The following NLGN1 variants were observed in gnomAD, a reference collection of about 807,000 sequenced individuals.
NLGN1 encodes the protein neuroligin-1.
NLGN1 carries 12 observed loss-of-function variants against 65.5 expected under a neutral mutation model. The observed-to-expected ratio is 0.18, with a 90% confidence interval of 0.12 to 0.30. NLGN1 has a LOEUF of 0.30. Among genes scored for constraint, NLGN1 ranks in the 10% least tolerant of loss-of-function variants. The probability of loss-of-function intolerance (pLI) is 1.00; values close to 1 mark genes in which losing one functional copy is unlikely to be tolerated. For missense variants in NLGN1, 750 were observed against 1,007.1 expected, an observed-to-expected ratio of 0.74 and a Z score of 3.46; for synonymous variants, 350 against 359.5, an observed-to-expected ratio of 0.97 and a Z score of 0.30.
In NLGN1 at chr3:174,209,623, CTTTTT is replaced by C. The variant is rs796169913; in HGVS notation, c.647-65670_647-65666del. On this transcript the variant is annotated intron_variant, in intron 4 of 6. Transcript: ENST00000457714. ...CCCTGGTGTCTATCAACCTTTCTTT[CTTTTT>C]TTTTTTTTTTTTTTTTTTTTTGAGA... Among the ~76,000 whole-genome samples the C allele has an allele frequency of 2.7e-4, 22 of 82,092 alleles. No individual in the cohort carries two copies. The East Asian group carries it at 2.8e-3, about 11-fold the overall frequency. The allele number at this position is 82,092 out of a possible 152,430, so 53.9% of individuals were successfully genotyped here. A position where few individuals can be genotyped will look rare whatever the true frequency, so the allele number is the denominator to read the frequency against.
At chr3:173,538,478 G>A (rs1179187113) in intron 2 of NLGN1, among the ~76,000 whole-genome samples, 4 of 152,196 alleles carry the variant, frequency 2.6e-5, no homozygotes, top group Admixed American at 6.6e-5. Flanking sequence ...AGCTTTGGTA[G>A]AAACGTTATG....
intron 2 of NLGN1, among the ~76,000 whole-genome samples, chr3:173,509,259 A>G (rs910341264): frequency 6.6e-6 from 1 of 152,190 alleles, no homozygotes; most frequent in African/African-American, 2.4e-5. Context: ...TATGTATAAC[A>G]CATCTTGATG....
Position 173,514,011 on chromosome 3 carries a change from G to A in NLGN1, c.-321+78933G>A, listed in dbSNP as rs113431129. Among the ~76,000 whole-genome samples the A allele has an allele frequency of 2.3e-3, 349 of 152,244 alleles. 2 individuals are homozygous for A. Among genetic ancestry groups the A allele is most frequent in the African/African-American group, 7.6e-3 (314 of 41,546 alleles). The stretch of plus-strand genomic sequence containing the variant: ...GTTATACATTGTGTAACAATGTAAC[G>A]TGTTACATTAACATTGCTGTGTATA... On this transcript the variant is annotated intron_variant, in intron 2 of 6. Transcript: ENST00000457714.
Position 174,279,962 on chromosome 3 carries a change from T to C in NLGN1, c.1649+312T>C, listed in dbSNP as rs986424085. On this transcript the variant is annotated intron_variant, in intron 6 of 6. Coordinates refer to ENST00000457714, the Ensembl canonical transcript of NLGN1. This position sits in a 1 kb window ranked among gnomAD's most constrained non-coding sequence, Gnocchi z 4.7. Reference sequence around the variant, plus strand: ...ATAAATATTATTTTATAGTGCTTTGTCATTCACAACACTCTTTAATCCTTC... The same window carrying C: ...ATAAATATTATTTTATAGTGCTTTGCCATTCACAACACTCTTTAATCCTTC... Among the ~76,000 whole-genome samples the C allele has an allele frequency of 7.2e-5, 11 of 151,976 alleles. No individual in the cohort carries two copies. The highest frequency in any genetic ancestry group is 2.2e-4 in the African/African-American group (9 of 41,428).
At chr3:173,567,253 C>A (rs1743839102) in intron 2 of NLGN1, among the ~76,000 whole-genome samples, 2 of 152,014 alleles carry the variant, frequency 1.3e-5, no homozygotes, top group Non-Finnish European at 2.9e-5. Flanking sequence ...TTAGAGAGGG[C>A]AGATTCACCA....
chr3:174,180,783 C>T (rs1450277191), intron 4 of NLGN1: 1 of 151,722 alleles, frequency 6.6e-6, no homozygotes, highest in African/African-American at 2.4e-5. Flanking sequence ...TTTAACTTCC[C>T]ACAGATCACA....
intron 2 of NLGN1, among the ~76,000 whole-genome samples, chr3:173,497,777 G>A (rs1479283848): frequency 1.3e-5 from 2 of 151,646 alleles, no homozygotes; most frequent in Admixed American, 1.3e-4. Context: ...CAAGGCCCAG[G>A]TAGCCTAGGC....
At chr3:173,618,419 A>T (rs971734109) in intron 3 of NLGN1, among the ~76,000 whole-genome samples, 6 of 152,200 alleles carry the variant, frequency 3.9e-5, no homozygotes, top group African/African-American at 1.2e-4. Flanking sequence ...CTGATCTCTA[A>T]CTGCTGACTG....
intron 4 of NLGN1, among the ~76,000 whole-genome samples, chr3:174,018,206 T>C (rs1579797829): frequency 6.6e-6 from 1 of 152,188 alleles, no homozygotes; most frequent in African/African-American, 2.4e-5. Flanking sequence ...TTATCTCCCT[T>C]GTTCCCTGAA....
intron 1 of NLGN1, among the ~76,000 whole-genome samples, chr3:173,403,088 G>A (rs13084762): frequency 0.31 from 47,435 of 151,832 alleles, 7,796 homozygotes; most frequent in East Asian, 0.56. Context: ...TAATTACATG[G>A]CCTTTGAATC....
chr3:173,778,155 G>A (rs1560349795), intron 3 of NLGN1, among the ~76,000 whole-genome samples: 1 of 151,478 alleles, frequency 6.6e-6, no homozygotes, highest in East Asian at 1.9e-4. Flanking sequence ...TTTAGTGTCT[G>A]TTTTTTTAAA....
At chr3:173,487,744 G>A (rs1560324050) in intron 2 of NLGN1, among the ~76,000 whole-genome samples, 1 of 151,894 alleles carries the variant, frequency 6.6e-6, no homozygotes, top group Non-Finnish European at 1.5e-5. Context: ...TGTATTTTAT[G>A]TGAAATCAAT....
At chr3:174,136,744 T>G (rs1439377198) in intron 4 of NLGN1, among the ~76,000 whole-genome samples, 1 of 152,080 alleles carries the variant, frequency 6.6e-6, no homozygotes, top group Non-Finnish European at 1.5e-5. Context: ...GCAGCACTTA[T>G]CAGTACCTTG....
chr3:174,044,824 A>T (rs1733171141), intron 4 of NLGN1, among the ~76,000 whole-genome samples: 1 of 152,072 alleles, frequency 6.6e-6, no homozygotes, highest in African/African-American at 2.4e-5. Context: ...GGGGGCAGTT[A>T]CCCCCGTGCT....
chr3:173,969,996 C>G (rs748510928), intron 4 of NLGN1, among the ~76,000 whole-genome samples: 1 of 151,494 alleles, frequency 6.6e-6, no homozygotes, highest in South Asian at 2.1e-4. Flanking sequence ...TAAGTGAACT[C>G]TATACTAGTT....
At chr3:173,553,544 A>G (rs1309038843) in intron 2 of NLGN1, among the ~76,000 whole-genome samples, 3 of 152,188 alleles carry the variant, frequency 2.0e-5, no homozygotes, top group Non-Finnish European at 1.5e-5. Flanking sequence ...GCTCTGTTGA[A>G]AGAGCCTCAT....
intron 4 of NLGN1, among the ~76,000 whole-genome samples, chr3:173,893,184 A>G (rs1171428326): frequency 6.6e-6 from 1 of 152,088 alleles, no homozygotes; most frequent in African/African-American, 2.4e-5. Flanking sequence ...CCCTCTTTTT[A>G]TGACCTTCCT....
chr3:173,994,766 C>G (rs1213986657), intron 4 of NLGN1, among the ~76,000 whole-genome samples: 4 of 152,106 alleles, frequency 2.6e-5, no homozygotes, highest in African/African-American at 9.7e-5. Context: ...TGTTTTTAAA[C>G]TTCTGAACAG....
At chr3:173,442,479 T>C (rs1420255811) in intron 2 of NLGN1, among the ~76,000 whole-genome samples, 1 of 152,152 alleles carries the variant, frequency 6.6e-6, no homozygotes, top group Non-Finnish European at 1.5e-5. Context: ...GTGTGTAATA[T>C]TCTCCAAGGA....
Sources: allele counts gnomAD v4.1 joint callset (sites outside exome capture counted in the v4.1 genomes callset), GRCh38; gene constraint gnomAD v4.1.1; non-coding constraint Gnocchi (gnomAD v3.1); transcripts MANE v1.5; gene names NCBI Gene and HGNC (gene_info 2026-07-23, HGNC 2026-07-21).